ARHGAP10: variants seen among roughly 807,000 people sequenced by gnomAD.
ARHGAP10 encodes Rho GTPase activating protein 10, also known as rho GTPase-activating protein 10.
A neutral mutation model predicts 108.6 loss-of-function variants in ARHGAP10; 87 were observed. The ratio of observed to expected loss-of-function variants is 0.80; its 90% CI spans 0.67 to 0.96. The LOEUF is 0.96. Among genes scored for constraint, ARHGAP10 ranks in the 40% least tolerant of loss-of-function variants. The pLI is 0.00. For synonymous variants in ARHGAP10, 347 were observed against 341.1 expected, an observed-to-expected ratio of 1.02 and a Z score of -0.19; for missense variants, 939 against 954.5, an observed-to-expected ratio of 0.98 and a Z score of 0.21.
intron 15 of ARHGAP10, among the ~76,000 whole-genome samples, chr4:147,951,221 T>G (rs1738585490): frequency 1.3e-5 from 2 of 152,170 alleles, no homozygotes; most frequent in Non-Finnish European, 2.9e-5. Context: ...TTTCTAAGGT[T>G]TCTCATTCCC....
At chr4:148,067,645 G>A (rs1018560700) in intron 22 of ARHGAP10, among the ~76,000 whole-genome samples, 1 of 152,222 alleles carries the variant, frequency 6.6e-6, no homozygotes, top group Non-Finnish European at 1.5e-5. Context: ...CTCTTGCAGT[G>A]CAATTCCTTT....
intron 18 of ARHGAP10, among the ~76,000 whole-genome samples, chr4:147,973,182 A>G (rs1739474927): frequency 6.6e-6 from 1 of 152,208 alleles, no homozygotes; most frequent in Non-Finnish European, 1.5e-5. Flanking sequence ...TGACAAGAAT[A>G]AAGCAGGAGG....
intron 7 of ARHGAP10, among the ~76,000 whole-genome samples, chr4:147,869,763 G>T (rs1046416847): frequency 1.3e-5 from 2 of 151,798 alleles, no homozygotes; most frequent in Admixed American, 1.3e-4. Context: ...GAGAACACCT[G>T]ATCTAGGTGG....
At chr4:147,763,337 C>T (rs1423438753) in intron 1 of ARHGAP10, among the ~76,000 whole-genome samples, 1 of 140,626 alleles carries the variant, frequency 7.1e-6, no homozygotes, top group Non-Finnish European at 1.5e-5. Context: ...TTTTTTGAGA[C>T]AGTCTCGCTC....
intron 19 of ARHGAP10, among the ~76,000 whole-genome samples, chr4:148,023,660 T>C (rs1175680406): frequency 6.6e-6 from 1 of 152,246 alleles, no homozygotes; most frequent in East Asian, 1.9e-4. Flanking sequence ...TAAATTTCTT[T>C]TTTGGGAGAC....
At chr4:147,825,834 C>T (rs952903872) in intron 3 of ARHGAP10, among the ~76,000 whole-genome samples, 18 of 152,306 alleles carry the variant, frequency 1.2e-4, no homozygotes, top group African/African-American at 4.3e-4. Flanking sequence ...ACATTGAGCG[C>T]ATACCTATTG....
chr4:147,790,886 A>G (rs781774600), intron 1 of ARHGAP10, among the ~76,000 whole-genome samples: 6 of 152,284 alleles, frequency 3.9e-5, no homozygotes, highest in South Asian at 2.1e-4. Context: ...ATTTTTTAAT[A>G]TAAGTAAATC....
intron 7 of ARHGAP10, among the ~76,000 whole-genome samples, chr4:147,870,470 C>T (rs1227918761): frequency 6.6e-6 from 1 of 151,758 alleles, no homozygotes; most frequent in African/African-American, 2.4e-5. Flanking sequence ...AAAAGCAAAA[C>T]TTTATAATCA....
intron 1 of ARHGAP10, among the ~76,000 whole-genome samples, chr4:147,756,612 C>G (rs536300731): frequency 6.6e-5 from 10 of 152,160 alleles, no homozygotes; most frequent in Non-Finnish European, 1.5e-4. Flanking sequence ...TGCTCCATCC[C>G]ACCTGGGATG....
At chr4:147,829,898 G>A (rs147634895) in intron 3 of ARHGAP10, among the ~76,000 whole-genome samples, 81 of 152,304 alleles carry the variant, frequency 5.3e-4, no homozygotes, top group Middle Eastern at 3.4e-3. Context: ...AGGGCAATTG[G>A]TTGAGACCCA....
rs113115106 is a variant in ARHGAP10 at position 148,066,418 on chromosome 4, C to T, written c.2272+1911C>T. Reference sequence around the variant, plus strand: ...CAGCCATGTGAATGAGGGTCAGTGCCTAAAGCCAATGCAGATCTGCCAGTT... The same window carrying T: ...CAGCCATGTGAATGAGGGTCAGTGCTTAAAGCCAATGCAGATCTGCCAGTT... On this transcript the variant is annotated intron_variant, in intron 22 of 22. Transcript: ENST00000336498. Among the ~76,000 whole-genome samples the T allele has an allele frequency of 2.6e-5, 4 of 152,350 alleles. No individual in the cohort carries two copies. In the South Asian group the frequency reaches 8.3e-4, roughly 32 times the overall value.
chr4:147,948,597 T>C (rs1477845633), intron 15 of ARHGAP10, among the ~76,000 whole-genome samples: 1 of 152,184 alleles, frequency 6.6e-6, no homozygotes, highest in Non-Finnish European at 1.5e-5. Context: ...AGCCATGCTG[T>C]GTCCTGTAGA....
chr4:147,939,194 A>T (rs1738072332), intron 13 of ARHGAP10, among the ~76,000 whole-genome samples: 1 of 152,228 alleles, frequency 6.6e-6, no homozygotes, highest in African/African-American at 2.4e-5. Context: ...GTTTGACAAT[A>T]CATTTTCTTT....
intron 1 of ARHGAP10, among the ~76,000 whole-genome samples, chr4:147,761,308 C>T (rs1356713226): frequency 6.6e-6 from 1 of 152,186 alleles, no homozygotes; most frequent in Non-Finnish European, 1.5e-5. Context: ...TGAGCCACTG[C>T]ACCCGGCGTA....
intron 10 of ARHGAP10, among the ~76,000 whole-genome samples, chr4:147,891,518 G>T (rs10015875): frequency 0.11 from 16,443 of 152,174 alleles, 1,016 homozygotes; most frequent in East Asian, 0.27. Flanking sequence ...TGATAAAAAT[G>T]TTCTAAAATT....
At chr4:147,757,133 G>A (rs932177916) in intron 1 of ARHGAP10, among the ~76,000 whole-genome samples, 4 of 151,090 alleles carry the variant, frequency 2.6e-5, no homozygotes, top group African/African-American at 9.7e-5. Flanking sequence ...CTTAGGAGAT[G>A]AGGCAAACAT....
chr4:147,812,729 C>T (rs921724243), intron 1 of ARHGAP10, among the ~76,000 whole-genome samples: 5 of 152,140 alleles, frequency 3.3e-5, no homozygotes, highest in African/African-American at 1.2e-4. Flanking sequence ...TTCCCCACAC[C>T]GAGGCAGCAT....
At chr4:147,813,140 CT>C (rs765050643) in intron 1 of ARHGAP10, among the ~76,000 whole-genome samples, 1,586 of 140,852 alleles carry the variant, frequency 0.011, 14 homozygotes, top group African/African-American at 0.028. Context: ...CTTTAGGAGC[CT>C]TTTTTTTTTT....
At chr4:147,755,552 G>A (rs1170086164) in intron 1 of ARHGAP10, among the ~76,000 whole-genome samples, 1 of 152,150 alleles carries the variant, frequency 6.6e-6, no homozygotes, top group South Asian at 2.1e-4. Context: ...AAAAATACCA[G>A]TTCCATGTTA....
Sources: allele counts gnomAD v4.1 joint callset (sites outside exome capture counted in the v4.1 genomes callset), GRCh38; gene constraint gnomAD v4.1.1; transcripts MANE v1.5; gene names NCBI Gene and HGNC (gene_info 2026-07-23, HGNC 2026-07-21).